Variants in CADM2 observed in about 807,000 individuals in gnomAD.
CADM2 encodes the protein immunoglobulin superfamily member 4D.
In CADM2, 12 loss-of-function variants were observed where a neutral mutation model predicts 49.8. The observed-to-expected ratio is 0.24, with a 90% confidence interval of 0.15 to 0.39. CADM2 has a LOEUF of 0.39. Ranked by LOEUF, CADM2 falls within the 10% of genes least tolerant of loss-of-function variation. CADM2 has a pLI of 1.00. For synonymous variants in CADM2, 214 were observed against 175.4 expected, an observed-to-expected ratio of 1.22 and a Z score of -1.74; for missense variants, 378 against 492.3, an observed-to-expected ratio of 0.77 and a Z score of 2.20.
chr3:84,980,669 G>A (rs2032120966), intron 1 of CADM2, among the ~76,000 whole-genome samples: 1 of 152,156 alleles, frequency 6.6e-6, no homozygotes, highest in Non-Finnish European at 1.5e-5. Context: ...AAATCTAACA[G>A]GCATGACCTG....
chr3:85,298,339 C>T (rs913213512), intron 1 of CADM2, among the ~76,000 whole-genome samples: 1 of 152,026 alleles, frequency 6.6e-6, no homozygotes, highest in African/African-American at 2.4e-5. Context: ...CTTCAATTGG[C>T]CATCCCAGCC....
intron 2 of CADM2, among the ~76,000 whole-genome samples, chr3:85,737,563 T>TTTC (rs1383791837): frequency 1.9e-3 from 73 of 38,026 alleles, no homozygotes; most frequent in African/African-American, 4.8e-3. Flanking sequence ...CTTTTCTTTC[T>TTTC]TTTTTTTTTT....
intron 1 of CADM2, among the ~76,000 whole-genome samples, chr3:85,350,865 G>T (rs946198245): frequency 2.6e-5 from 4 of 152,086 alleles, no homozygotes; most frequent in African/African-American, 9.7e-5. Flanking sequence ...GTGGAACAAG[G>T]TATAGTTTAA....
intron 1 of CADM2, among the ~76,000 whole-genome samples, chr3:85,317,232 T>C (rs559553505): frequency 4.1e-4 from 62 of 152,274 alleles, no homozygotes; most frequent in African/African-American, 1.4e-3. Flanking sequence ...TCTTTGAACT[T>C]GTATAATGCA....
chr3:86,012,461 A>G, intron 8 of CADM2: 2 of 635,196 alleles, frequency 3.1e-6, no homozygotes, highest in Non-Finnish European at 4.8e-6. Flanking sequence ...GGCCCTGCAG[A>G]GCCGGCCGAC....
chr3:85,518,373 A>G (rs1444900961), intron 1 of CADM2, among the ~76,000 whole-genome samples: 1 of 150,880 alleles, frequency 6.6e-6, no homozygotes, highest in African/African-American at 2.4e-5. Flanking sequence ...CAACAAAAGC[A>G]TCTTTAACAT....
intron 1 of CADM2, among the ~76,000 whole-genome samples, chr3:85,419,571 A>T (rs1439522517): frequency 1.3e-5 from 2 of 152,130 alleles, no homozygotes; most frequent in Admixed American, 1.3e-4. Flanking sequence ...GTTTTTGTAT[A>T]TTTGAAGCTT....
intron 1 of CADM2, among the ~76,000 whole-genome samples, chr3:85,234,167 G>T (rs978636420): frequency 2.0e-5 from 3 of 152,036 alleles, no homozygotes; most frequent in African/African-American, 7.2e-5. Flanking sequence ...CTTGAACTTT[G>T]ATTATAGATC....
chr3:85,920,402 C>T (rs1232617814), intron 6 of CADM2, among the ~76,000 whole-genome samples: 1 of 151,580 alleles, frequency 6.6e-6, no homozygotes, highest in African/African-American at 2.4e-5. Context: ...CCTGGGAATG[C>T]CTTAGAAGAA....
chr3:86,016,085 A>G (rs1428639793), intron 8 of CADM2, among the ~76,000 whole-genome samples: 1 of 152,120 alleles, frequency 6.6e-6, no homozygotes, highest in Non-Finnish European at 1.5e-5. Flanking sequence ...AAAATAATTT[A>G]CGAGCTTCTA....
intron 6 of CADM2, among the ~76,000 whole-genome samples, chr3:85,928,383 T>C (rs2108520384): frequency 6.6e-6 from 1 of 152,208 alleles, no homozygotes; most frequent in Admixed American, 6.5e-5. Flanking sequence ...AGTCTTGATC[T>C]CCTGACCTCA....
chr3:86,022,706 C>T (rs1264131883), intron 8 of CADM2, among the ~76,000 whole-genome samples: 4 of 151,866 alleles, frequency 2.6e-5, no homozygotes, highest in Non-Finnish European at 5.9e-5. Context: ...ACTTAGAGAG[C>T]GTCCTCATTT....
chr3:85,255,625 GA>G (rs145592958), intron 1 of CADM2, among the ~76,000 whole-genome samples: 5,098 of 152,004 alleles, frequency 0.034, 263 homozygotes, highest in African/African-American at 0.12. Flanking sequence ...AAAACTCTTG[GA>G]AAAGTTCTGG....
At chr3:85,434,206 T>G (rs891167673) in intron 1 of CADM2, among the ~76,000 whole-genome samples, 8 of 152,104 alleles carry the variant, frequency 5.3e-5, no homozygotes, top group South Asian at 2.1e-4. Context: ...AAATTTATAT[T>G]TTTAAAGATT....
At chr3:85,010,103 G>T (rs2033919869) in intron 1 of CADM2, among the ~76,000 whole-genome samples, 1 of 151,962 alleles carries the variant, frequency 6.6e-6, no homozygotes, top group African/African-American at 2.4e-5. Context: ...GATTTTGAAG[G>T]AAATAATTGA....
At chr3:85,683,034 A>G (rs1227497995) in intron 1 of CADM2, among the ~76,000 whole-genome samples, 3 of 152,152 alleles carry the variant, frequency 2.0e-5, no homozygotes, top group Non-Finnish European at 4.4e-5. Flanking sequence ...AAGTTATTTC[A>G]CAAAAGCTTC....
At chr3:85,471,269 C>T (rs538289677) in intron 1 of CADM2, among the ~76,000 whole-genome samples, 1 of 152,168 alleles carries the variant, frequency 6.6e-6, no homozygotes, top group Admixed American at 6.6e-5. Context: ...AAATTTGGTT[C>T]ATCCATTGTT....
chr3:85,263,685 A>T (rs2043061844), intron 1 of CADM2, among the ~76,000 whole-genome samples: 1 of 151,926 alleles, frequency 6.6e-6, no homozygotes, highest in African/African-American at 2.4e-5. Flanking sequence ...ATCTATTCCA[A>T]TTTTTTTTCT....
chr3:85,024,921 G>C (rs1303513447), intron 1 of CADM2, among the ~76,000 whole-genome samples: 1 of 151,652 alleles, frequency 6.6e-6, no homozygotes, highest in Non-Finnish European at 1.5e-5. Flanking sequence ...ATAAAATCCT[G>C]TGATTGTGTT....
Sources: gnomAD v4.1 joint callset for allele counts (sites outside exome capture counted in the v4.1 genomes callset) on GRCh38, gnomAD v4.1.1 for gene constraint, MANE v1.5 for transcripts, NCBI Gene and HGNC (gene_info 2026-07-23, HGNC 2026-07-21) for gene names.